Variants in ALDH4A1 observed in about 807,000 individuals in gnomAD.
ALDH4A1 encodes the protein aldehyde dehydrogenase 4 family member A1.
A neutral mutation model predicts 70.5 loss-of-function variants in ALDH4A1; 46 were observed. The observed-to-expected ratio is 0.65, with a 90% CI of 0.51 to 0.83. The LOEUF (loss-of-function observed/expected upper bound fraction) is 0.83. ALDH4A1 is among the 40% of genes least tolerant of loss of function. ALDH4A1 has a pLI of 0.00. For missense variants in ALDH4A1, 749 were observed against 766.5 expected, an observed-to-expected ratio of 0.98 and a Z score of 0.27; for synonymous variants, 323 against 324.3, an observed-to-expected ratio of 1.00 and a Z score of 0.04.
At chr1:18,886,581 C>T (rs746012688) in intron 3 of ALDH4A1, 70 bp from the exon 4 acceptor site, 67 of 1,554,348 alleles carry the variant, frequency 4.3e-5, no homozygotes, top group Non-Finnish European at 5.6e-5. Context: ...GAGGACTGGA[C>T]TCAGAGCCGG....
intron 1 of ALDH4A1, among the ~76,000 whole-genome samples, chr1:18,897,388 C>A (rs376335900): frequency 9.9e-5 from 15 of 152,156 alleles, no homozygotes; most frequent in Admixed American, 5.9e-4. Flanking sequence ...ACTAAAAGTA[C>A]AAAAATTAGC....
At chr1:18,894,162 C>T (rs1935536728) in intron 1 of ALDH4A1, among the ~76,000 whole-genome samples, 2 of 152,200 alleles carry the variant, frequency 1.3e-5, no homozygotes, top group Non-Finnish European at 2.9e-5. Flanking sequence ...CTCCCAGATG[C>T]CCCCAAAAAT....
intron 14 of ALDH4A1, 126 bp from the exon 15 acceptor site, chr1:18,873,083 T>C (rs1424802917): frequency 1.2e-6 from 1 of 809,430 alleles, no homozygotes; most frequent in Non-Finnish European, 2.1e-6. Flanking sequence ...GCTGCCAAGC[T>C]TGGGGCATGC....
At chr1:18,887,317 T>A (rs116032049) in intron 3 of ALDH4A1, among the ~76,000 whole-genome samples, 1 of 152,178 alleles carries the variant, frequency 6.6e-6, no homozygotes, top group Admixed American at 6.5e-5. Context: ...ACTTCCCTGT[T>A]GGCCGGGCGC....
At chr1:18,901,751 G>A (rs1441793123) in intron 1 of ALDH4A1, among the ~76,000 whole-genome samples, 1 of 152,058 alleles carries the variant, frequency 6.6e-6, no homozygotes, top group Non-Finnish European at 1.5e-5. Context: ...AATAATAACC[G>A]GGCGCTGCCT....
intron 9 of ALDH4A1, among the ~76,000 whole-genome samples, chr1:18,878,412 T>A (rs1934817332): frequency 6.6e-6 from 1 of 151,834 alleles, no homozygotes; most frequent in Non-Finnish European, 1.5e-5. Context: ...TGAGGAGCGC[T>A]CACCTTCCCT....
At chr1:18,889,570 G>T in intron 2 of ALDH4A1, 116 bp from the exon 3 acceptor site, 1 of 917,850 alleles carries the variant, frequency 1.1e-6, no homozygotes, top group Non-Finnish European at 1.7e-6. Flanking sequence ...ATGAGAAGGG[G>T]GCCAGGCCAG....
intron 1 of ALDH4A1, chr1:18,890,974 G>T: frequency 1.1e-6 from 1 of 870,528 alleles, no homozygotes. Flanking sequence ...TCAGCTCACA[G>T]CCCCGGGAGG....
chr1:18,886,643 T>G, intron 3 of ALDH4A1, 132 bp from the exon 4 acceptor site: 1 of 971,566 alleles, frequency 1.0e-6, no homozygotes, highest in Non-Finnish European at 1.6e-6. Flanking sequence ...CCCGCTCCCA[T>G]GAAACCCTCC....
In ALDH4A1 at chr1:18,890,636, T is replaced by C; in HGVS notation, c.63-531A>G. On this transcript the variant is annotated intron_variant, in intron 1 of 14. Coordinates refer to ENST00000375341, the MANE Select transcript of ALDH4A1 (RefSeq NM_003748.4). ...GTTGTGTGTCCTTGAGCCTGTGAGT[T>C]GCCTCCTGTGAACGTGGTTCTACGT... 4 of 960,698 alleles carry C rather than the reference T, an allele frequency of 4.2e-6. No homozygotes were observed. In the South Asian group the frequency reaches 1.4e-4, roughly 35 times the overall value. The allele number at this position is 960,698 out of a possible 1,614,324, so 59.5% of individuals were successfully genotyped here. A position where few individuals can be genotyped will look rare whatever the true frequency, so the allele number is the denominator to read the frequency against.
In ALDH4A1 at chr1:18,877,567, A is replaced by G. The variant is rs1934766513; in HGVS notation, c.986T>C (p.Val329Ala). 1 of 1,474,446 alleles carries G rather than the reference A, an allele frequency of 6.8e-7. No homozygotes were observed. Among genetic ancestry groups the G allele is most frequent in the South Asian group, 1.1e-5 (1 of 89,318 alleles). 91.3% of individuals were successfully genotyped at this position (1,474,446 alleles called of 1,614,324 possible). The change falls in exon 10 of 15, where the codon GTG (valine) becomes GCG (alanine). Residue 329 changes from valine (V) to alanine (A), a missense_variant. Val to Ala is a moderately conservative substitution (Grantham distance 64). Transcript: ENST00000375341. The stretch of plus-strand genomic sequence containing the variant: ...GAGGGTCCCGCTCACCACGCTCTCC[A>G]CGTCGGCCGAGCGGTGCACGAAGTG... ...NFHFVHRSADVESVVSGTLRS... is the reference protein window; with the variant it reads ...NFHFVHRSADAESVVSGTLRS...
At position 18,883,358 on chromosome 1, in the gene ALDH4A1, T is replaced by G; in HGVS notation, c.524A>C (p.Lys175Thr). The change falls in exon 6 of 15, where the codon AAG becomes ACG. Residue 175 changes from lysine to threonine, a missense_variant. Transcript: ENST00000375341. ...ELIDFFRFNA[K>T]YAVELEGQQP... ...CTGCCCCTCCAGCTCCACCGCATAC[T>G]TGGCATTGAACCGGAAGAAGTCGAT... The G allele has an allele frequency of 6.2e-7, 1 of 1,613,502 alleles. No homozygotes were observed. The highest frequency in any genetic ancestry group is 8.5e-7 in the Non-Finnish European group (1 of 1,180,038).
In ALDH4A1 at chr1:18,886,464, C is replaced by T. The variant is rs754734227; in HGVS notation, c.297G>A (p.Lys99=). The change falls in exon 4 of 15, where the codon AAG becomes AAA. Residue 99 remains lysine, a splice_region_variant and synonymous_variant. Coordinates refer to ENST00000375341, the MANE Select transcript of ALDH4A1 (RefSeq NM_003748.4). ...TCACCAGGCACACAGGCTCACTCAC[C>T]TTGTCTGCATAACAGAACTTGGCCA... The part of the protein sequence containing the change: ...HKVAKFCYAD[K]SLLNKAIEAA... 6.2e-7 allele frequency: 1 copy of T among 1,614,172 alleles called. No homozygotes were observed. Among genetic ancestry groups the T allele is most frequent in the Admixed American group, 1.7e-5 (1 of 60,026 alleles).
intron 3 of ALDH4A1, among the ~76,000 whole-genome samples, chr1:18,887,401 C>T (rs1018916243): frequency 3.3e-5 from 5 of 152,248 alleles, no homozygotes; most frequent in African/African-American, 7.2e-5. Context: ...AGATCGAGAC[C>T]ATCCTGGCTA....
Position 18,876,181 on chromosome 1 carries a change from G to T in ALDH4A1, c.1338+134C>A, listed in dbSNP as rs1391298443. On this transcript the variant is annotated intron_variant, in intron 12 of 14. Transcript: ENST00000375341. ...ACCTGGCTCTACTCTCTCCCGGTCGGAGGCATTCCCTTTTAGGGTCTCCCT... is the reference window on the plus strand; with the variant it reads ...ACCTGGCTCTACTCTCTCCCGGTCGTAGGCATTCCCTTTTAGGGTCTCCCT... 7 of 1,220,942 alleles carry T rather than the reference G, an allele frequency of 5.7e-6. No homozygotes were observed. In the African/African-American group the frequency reaches 1.0e-4, roughly 18 times the overall value. 75.6% of individuals were successfully genotyped at this position (1,220,942 alleles called of 1,614,324 possible).
chr1:18,892,316 C>A (rs558037765), intron 1 of ALDH4A1, among the ~76,000 whole-genome samples: 1 of 152,234 alleles, frequency 6.6e-6, no homozygotes, highest in East Asian at 1.9e-4. Flanking sequence ...CCGTCTCAGA[C>A]CCTGGAGATA....
intron 12 of ALDH4A1, 64 bp downstream of exon 12, chr1:18,876,251 G>A (rs1557610619): frequency 1.5e-5 from 23 of 1,582,648 alleles, no homozygotes; most frequent in Non-Finnish European, 1.7e-5. Context: ...CAGGAGAACT[G>A]TGTGTGTGCT....
intron 9 of ALDH4A1, among the ~76,000 whole-genome samples, chr1:18,878,490 C>T (rs1934822295): frequency 6.6e-6 from 1 of 152,140 alleles, no homozygotes; most frequent in Non-Finnish European, 1.5e-5. Context: ...CCCCAATTCA[C>T]GCCACAGAGA....
At chr1:18,879,267 C>A in intron 9 of ALDH4A1, 33 bp downstream of exon 9, 1 of 1,579,078 alleles carries the variant, frequency 6.3e-7, no homozygotes, top group Non-Finnish European at 8.6e-7. Context: ...GTCCCTGGGG[C>A]CACACGGGAG....
Sources: gnomAD v4.1 joint callset for allele counts (sites outside exome capture counted in the v4.1 genomes callset) on GRCh38, gnomAD v4.1.1 for gene constraint, MANE v1.5 for transcripts, NCBI Gene and HGNC (gene_info 2026-07-23, HGNC 2026-07-21) for gene names.